DNAH5: variants seen among roughly 807,000 people sequenced by gnomAD.
DNAH5 encodes the protein dynein axonemal heavy chain 5, also known as axonemal beta dynein heavy chain 5.
Under a neutral mutation model 518.2 loss-of-function variants are expected in DNAH5, and 372 were observed. The observed-to-expected ratio is 0.72, with a 90% confidence interval of 0.66 to 0.78. The LOEUF is 0.78. DNAH5 is among the 30% of genes least tolerant of loss of function. The probability of loss-of-function intolerance (pLI) is 0.00; values close to 1 mark genes in which losing one functional copy is unlikely to be tolerated. For synonymous variants in DNAH5, 2,039 were observed against 2,025.9 expected (o/e 1.01, Z -0.17); for missense variants, 5,523 against 5,687.0 (o/e 0.97, Z 0.93).
chr5:13,900,436 T>C lies in DNAH5; in HGVS notation c.2053-24A>G, dbSNP rs372329483. On this transcript the variant is annotated intron_variant, in intron 14 of 78. Transcript: ENST00000265104. The stretch of plus-strand genomic sequence containing the variant: ...ATCTGTGGGAAGAAACCAACATCAT[T>C]ACTATCAGAAAGTTCAATTCATGCA... 1.6e-5 allele frequency: 26 copies of C among 1,591,404 alleles called. No homozygotes were observed. In the African/African-American group the frequency reaches 1.9e-4, roughly 11 times the overall value.
At chr5:13,750,998 C>T (rs1260423928) in intron 65 of DNAH5, 80 bp downstream of exon 65, 2 of 1,461,498 alleles carry the variant, frequency 1.4e-6, no homozygotes, top group African/African-American at 2.8e-5. Context: ...AGTCCTATTA[C>T]AACTGTTATT....
chr5:13,966,844 ATTGTTTT>A (rs1193915505), intron 1 of DNAH5, among the ~76,000 whole-genome samples: 1 of 151,976 alleles, frequency 6.6e-6, no homozygotes, highest in Admixed American at 6.6e-5. Context: ...ATGCTAAAGC[ATTGTTTT>A]TTGTTTTTTG....
chr5:13,868,061 A>G (rs1769544612), intron 24 of DNAH5, 69 bp from the exon 25 acceptor site: 1 of 1,148,598 alleles, frequency 8.7e-7, no homozygotes, highest in Admixed American at 1.9e-5. Context: ...GCCATTTATT[A>G]AATGATAAGA....
At chr5:13,908,369 T>G (rs1775606322) in intron 12 of DNAH5, among the ~76,000 whole-genome samples, 3 of 152,192 alleles carry the variant, frequency 2.0e-5, no homozygotes, top group South Asian at 4.1e-4. Context: ...ACCCTTCCAC[T>G]GCCTCCCTCT....
chr5:13,773,025 C>A (rs1027679434), intron 55 of DNAH5, among the ~76,000 whole-genome samples: 2 of 152,264 alleles, frequency 1.3e-5, no homozygotes, highest in African/African-American at 2.4e-5. Context: ...TAACACTAGG[C>A]AGGTTAGTAT....
chr5:13,709,647 C>T (rs6554805), intron 75 of DNAH5, among the ~76,000 whole-genome samples: 54,709 of 151,934 alleles, frequency 0.36, 10,208 homozygotes, highest in South Asian at 0.44. Flanking sequence ...AGCAGCAATC[C>T]CTAGAGGACC....
Position 13,824,222 on chromosome 5 carries a change from G to A in DNAH5, c.6556C>T (p.Arg2186Trp), listed in dbSNP as rs756444637. 23 of 1,613,862 alleles carry A rather than the reference G, an allele frequency of 1.4e-5. No homozygotes were observed. The East Asian group carries it at 2.5e-4, about 17-fold the overall frequency. The change falls in exon 39 of 79, where the codon CGG becomes TGG. Residue 2186 changes from arginine (R) to tryptophan (W), a missense_variant. Around this residue, in one of 3 missense-constraint regions of DNAH5, gnomAD observed 5,121 missense variants for 5,223.3 expected, o/e 0.98. Transcript: ENST00000265104. The part of the protein sequence containing the change: ...TESTIVMRVL[R>W]DMNLSKLIDE... ...ACCAGTTTAGAAAGATTCATGTCCC[G>A]TAGTACACGCATGACAATCGTGGAC...
At chr5:13,778,473 A>C (rs1754435100) in intron 53 of DNAH5, among the ~76,000 whole-genome samples, 1 of 98,178 alleles carries the variant, frequency 1.0e-5, no homozygotes, top group Non-Finnish European at 2.1e-5. Context: ...GAGAGAAGGA[A>C]GGAAAGAAGG....
intron 1 of DNAH5, among the ~76,000 whole-genome samples, chr5:13,964,634 C>T (rs1781411576): frequency 6.6e-6 from 1 of 152,158 alleles, no homozygotes; most frequent in Non-Finnish European, 1.5e-5. Flanking sequence ...ATTCCAAGTC[C>T]CAGATCAGTG....
At chr5:13,909,851 A>G (rs1561551463) in intron 12 of DNAH5, among the ~76,000 whole-genome samples, 3 of 152,354 alleles carry the variant, frequency 2.0e-5, no homozygotes, top group South Asian at 4.1e-4. Flanking sequence ...CCTACAGCAT[A>G]GAAGTCTAAT....
At chr5:13,937,523 G>T (rs779688399) in intron 1 of DNAH5, among the ~76,000 whole-genome samples, 3 of 145,652 alleles carry the variant, frequency 2.1e-5, no homozygotes. Flanking sequence ...GTAGTCAGTA[G>T]GTGATGCTCC....
chr5:13,901,828 G>T (rs1774670179), intron 13 of DNAH5, among the ~76,000 whole-genome samples: 1 of 151,932 alleles, frequency 6.6e-6, no homozygotes, highest in African/African-American at 2.4e-5. Context: ...CAGTCACAAG[G>T]TACTTCAAAG....
intron 55 of DNAH5, among the ~76,000 whole-genome samples, chr5:13,775,137 T>G (rs1473235761): frequency 1.3e-5 from 2 of 151,444 alleles, no homozygotes; most frequent in Non-Finnish European, 2.9e-5. Flanking sequence ...CTTTTTGTTT[T>G]TTTTTTTTTT....
intron 41 of DNAH5, 118 bp from the exon 42 acceptor site, chr5:13,817,812 A>G (rs1761653348): frequency 1.1e-6 from 1 of 874,138 alleles, no homozygotes; most frequent in Non-Finnish European, 1.8e-6. Context: ...AAAACTGCAG[A>G]ACTACATTGA....
chr5:13,855,503 C>G (rs1325854158), intron 30 of DNAH5, among the ~76,000 whole-genome samples: 2 of 48,274 alleles, frequency 4.1e-5, no homozygotes, highest in Non-Finnish European at 1.1e-4. Context: ...CCACCGCGCC[C>G]GGCCATAAAT....
At chr5:13,778,539 GAAGAAAGAAAGAAAGAAAGA>G (rs397996833) in intron 53 of DNAH5, among the ~76,000 whole-genome samples, 8 of 73,858 alleles carry the variant, frequency 1.1e-4, no homozygotes, top group Non-Finnish European at 1.9e-4. Context: ...GAGAGAGAGA[GAAGAAAGAAAGAAAGAAAGA>G]AAGAAAGAAA....
chr5:13,861,629 G>C (rs1768425081), intron 29 of DNAH5, among the ~76,000 whole-genome samples: 1 of 152,158 alleles, frequency 6.6e-6, no homozygotes, highest in African/African-American at 2.4e-5. Context: ...CAAAATGTGA[G>C]GGGTGGCCAC....
chr5:13,944,306 GT>G, intron 1 of DNAH5, 75 bp downstream of exon 1: 2 of 1,451,350 alleles, frequency 1.4e-6, no homozygotes, highest in Admixed American at 3.3e-5. Context: ...CCTTTTTCAA[GT>G]TTGTTTTTTC....
intron 78 of DNAH5, among the ~76,000 whole-genome samples, chr5:13,698,938 A>T (rs1212946058): frequency 6.6e-6 from 1 of 152,190 alleles, no homozygotes; most frequent in Admixed American, 6.5e-5. Context: ...GCAAATTCAC[A>T]AATACAAATC....
Sources: allele counts gnomAD v4.1 joint callset (sites outside exome capture counted in the v4.1 genomes callset), GRCh38; gene constraint gnomAD v4.1.1; regional missense constraint gnomAD v4.1.1; transcripts MANE v1.5; gene names NCBI Gene and HGNC (gene_info 2026-07-23, HGNC 2026-07-21).